The following GPC6 variants were observed in gnomAD, a reference collection of about 807,000 sequenced individuals.
GPC6 encodes the protein glypican 6, also known as glypican-6.
GPC6 carries 14 observed loss-of-function variants against 55.2 expected under a neutral mutation model. The observed-to-expected ratio is 0.25, with a 90% CI of 0.17 to 0.40. GPC6 has a LOEUF of 0.40. GPC6 is among the 10% of genes least tolerant of loss of function. The probability of loss-of-function intolerance (pLI) is 1.00; values close to 1 mark genes in which losing one functional copy is unlikely to be tolerated. For missense variants in GPC6, 641 were observed against 708.5 expected (o/e 0.90, Z 1.08); for synonymous variants, 278 against 259.6 (o/e 1.07, Z -0.68).
intron 2 of GPC6, among the ~76,000 whole-genome samples, chr13:93,658,578 A>AT (rs548045538): frequency 4.0e-4 from 60 of 151,144 alleles, no homozygotes; most frequent in South Asian, 1.5e-3. Context: ...AAAAAATCTT[A>AT]TTTTTTTTAT....
chr13:93,413,828 A>G (rs1426605335), intron 1 of GPC6, among the ~76,000 whole-genome samples: 1 of 152,194 alleles, frequency 6.6e-6, no homozygotes, highest in African/African-American at 2.4e-5. Context: ...ATGATAAAGA[A>G]TACACACTCA....
At chr13:94,204,711 T>C (rs937939880) in intron 4 of GPC6, among the ~76,000 whole-genome samples, 1 of 152,158 alleles carries the variant, frequency 6.6e-6, no homozygotes, top group Non-Finnish European at 1.5e-5. Flanking sequence ...TTGCACTACA[T>C]GAGCAGGTTG....
At chr13:93,230,069 C>A (rs1272425806) in intron 1 of GPC6, among the ~76,000 whole-genome samples, 1 of 151,910 alleles carries the variant, frequency 6.6e-6, no homozygotes, top group Non-Finnish European at 1.5e-5. Context: ...CTTTTTTATC[C>A]TTTGCCTTGA....
intron 4 of GPC6, among the ~76,000 whole-genome samples, chr13:94,270,831 G>A (rs531077484): frequency 1.3e-5 from 2 of 152,162 alleles, no homozygotes; most frequent in African/African-American, 2.4e-5. Flanking sequence ...GAAAGAGTCC[G>A]AACACTAAGA....
intron 1 of GPC6, among the ~76,000 whole-genome samples, chr13:93,412,363 A>C (rs9524054): frequency 0.3 from 46,321 of 152,172 alleles, 9,141 homozygotes; most frequent in Non-Finnish European, 0.45. Context: ...TCATTAAAAA[A>C]TGTCAGGCCA....
intron 3 of GPC6, among the ~76,000 whole-genome samples, chr13:93,854,422 CTG>C (rs1341125558): frequency 3.3e-5 from 5 of 151,698 alleles, no homozygotes; most frequent in Non-Finnish European, 7.4e-5. Context: ...TTCCCCAAAA[CTG>C]TGCTCTTTAG....
intron 6 of GPC6, among the ~76,000 whole-genome samples, chr13:94,315,647 G>A (rs1876484336): frequency 6.6e-6 from 1 of 152,040 alleles, no homozygotes; most frequent in African/African-American, 2.4e-5. Flanking sequence ...TAACATTATC[G>A]ACCACAAACA....
At chr13:93,964,917 G>A (rs974976686) in intron 3 of GPC6, among the ~76,000 whole-genome samples, 5 of 152,048 alleles carry the variant, frequency 3.3e-5, no homozygotes, top group Admixed American at 1.3e-4. Flanking sequence ...TCTACACATT[G>A]CAGAAAATAG....
intron 2 of GPC6, among the ~76,000 whole-genome samples, chr13:93,747,630 TA>T (rs1240259690): frequency 6.6e-6 from 1 of 152,218 alleles, no homozygotes; most frequent in African/African-American, 2.4e-5. Flanking sequence ...TTTAGGGCAG[TA>T]TTCAATAAAT....
intron 2 of GPC6, among the ~76,000 whole-genome samples, chr13:93,823,114 T>C (rs1887114773): frequency 6.6e-6 from 1 of 152,104 alleles, no homozygotes; most frequent in South Asian, 2.1e-4. Context: ...CCGCCTGCCA[T>C]GGCCTTTCAA....
intron 1 of GPC6, among the ~76,000 whole-genome samples, chr13:93,482,086 A>T (rs540778691): frequency 6.6e-6 from 1 of 152,236 alleles, no homozygotes; most frequent in South Asian, 2.1e-4. Context: ...ATTTAGTTCA[A>T]TAATATTTTG....
At chr13:94,175,859 A>C (rs1467902984) in intron 4 of GPC6, among the ~76,000 whole-genome samples, 1 of 148,174 alleles carries the variant, frequency 6.7e-6, no homozygotes, top group African/African-American at 2.4e-5. Flanking sequence ...GTATATGTAC[A>C]TATTTATATA....
intron 6 of GPC6, among the ~76,000 whole-genome samples, chr13:94,315,849 A>G (rs377110843): frequency 6.6e-6 from 1 of 152,250 alleles, no homozygotes; most frequent in Non-Finnish European, 1.5e-5. Context: ...CTTTAGGGCA[A>G]ACTTGTCCAA....
At chr13:93,490,407 A>G (rs1029255793) in intron 1 of GPC6, among the ~76,000 whole-genome samples, 3 of 147,512 alleles carry the variant, frequency 2.0e-5, no homozygotes, top group Non-Finnish European at 4.4e-5. Flanking sequence ...ATGTACTTAC[A>G]TATACACACT....
At chr13:93,878,475 G>GT (rs35223902) in intron 3 of GPC6, among the ~76,000 whole-genome samples, 17,233 of 151,960 alleles carry the variant, frequency 0.11, 2,193 homozygotes, top group African/African-American at 0.3. Flanking sequence ...CATCTCCTGG[G>GT]TCAAGTGATT....
intron 1 of GPC6, among the ~76,000 whole-genome samples, chr13:93,481,881 A>G (rs184060334): frequency 6.6e-6 from 1 of 152,210 alleles, no homozygotes; most frequent in Admixed American, 6.5e-5. Flanking sequence ...TTACAAGATC[A>G]TTTTTACTAT....
chr13:93,532,831 G>T (rs1332025812), intron 1 of GPC6, among the ~76,000 whole-genome samples: 1 of 152,032 alleles, frequency 6.6e-6, no homozygotes, highest in Non-Finnish European at 1.5e-5. Flanking sequence ...CATTGGACCT[G>T]ATTTAAACAA....
At chr13:94,067,680 T>C (rs1397356245) in intron 4 of GPC6, among the ~76,000 whole-genome samples, 1 of 152,202 alleles carries the variant, frequency 6.6e-6, no homozygotes, top group Non-Finnish European at 1.5e-5. Context: ...TGTGTTTGTA[T>C]CCATATATTC....
intron 1 of GPC6, among the ~76,000 whole-genome samples, chr13:93,320,564 A>G (rs554578528): frequency 1.3e-5 from 2 of 151,994 alleles, no homozygotes; most frequent in East Asian, 3.9e-4. Context: ...TGTTTATATA[A>G]GAATATTGTG....
Sources: gnomAD v4.1 joint callset for allele counts (sites outside exome capture counted in the v4.1 genomes callset) on GRCh38, gnomAD v4.1.1 for gene constraint, MANE v1.5 for transcripts, NCBI Gene and HGNC (gene_info 2026-07-23, HGNC 2026-07-21) for gene names.